GRIK4: variants seen among roughly 807,000 people sequenced by gnomAD.
GRIK4 encodes the protein glutamate ionotropic receptor kainate type subunit 4.
A neutral mutation model predicts 104.9 loss-of-function variants in GRIK4; 40 were observed. That is an observed-to-expected ratio of 0.38 (90% CI 0.30 to 0.50). The LOEUF is 0.50. Ranked by LOEUF, GRIK4 falls within the 20% of genes least tolerant of loss-of-function variation. The probability of loss-of-function intolerance (pLI) is 0.93; values close to 1 mark genes in which losing one functional copy is unlikely to be tolerated. For synonymous variants in GRIK4, 485 were observed against 524.9 expected, an observed-to-expected ratio of 0.92 and a Z score of 1.04; for missense variants, 1,047 against 1,308.1, an observed-to-expected ratio of 0.80 and a Z score of 3.08.
chr11:120,786,145 C>T (rs1287195145), intron 3 of GRIK4, among the ~76,000 whole-genome samples: 2 of 152,292 alleles, frequency 1.3e-5, no homozygotes, highest in African/African-American at 2.4e-5. Flanking sequence ...TCAGTGTCCA[C>T]GGGGCCATCC....
At chr11:120,852,061 G>A (rs748441371) in intron 8 of GRIK4, among the ~76,000 whole-genome samples, 4 of 152,222 alleles carry the variant, frequency 2.6e-5, no homozygotes, top group Admixed American at 6.5e-5. Flanking sequence ...GCAGAAAAGC[G>A]GTAGCTCACT....
intron 1 of GRIK4, 26 bp downstream of exon 1, chr11:120,511,913 C>G (rs1247801104): frequency 6.3e-6 from 1 of 158,194 alleles, no homozygotes; most frequent in East Asian, 1.9e-4. Flanking sequence ...CCCCGCGGCG[C>G]CCCCGGCCCG....
intron 3 of GRIK4, among the ~76,000 whole-genome samples, chr11:120,778,120 C>T (rs1027523594): frequency 1.3e-5 from 2 of 152,122 alleles, no homozygotes; most frequent in African/African-American, 2.4e-5. Flanking sequence ...CAATGCCTAT[C>T]ATGTTATAAT....
chr11:120,736,787 C>A (rs547974796), intron 3 of GRIK4, among the ~76,000 whole-genome samples: 5 of 152,022 alleles, frequency 3.3e-5, no homozygotes, highest in South Asian at 4.2e-4. Flanking sequence ...TCTCTCCCCT[C>A]ACCCTGCCCA....
chr11:120,841,318 G>T (rs894982471), intron 8 of GRIK4, among the ~76,000 whole-genome samples: 17 of 152,160 alleles, frequency 1.1e-4, no homozygotes, highest in African/African-American at 4.1e-4. Flanking sequence ...ATTTCTCTCT[G>T]TATGGATATG....
chr11:120,777,246 C>T (rs909015763), intron 3 of GRIK4, among the ~76,000 whole-genome samples: 14 of 152,216 alleles, frequency 9.2e-5, no homozygotes, highest in African/African-American at 3.1e-4. Context: ...CTCTTTTCTC[C>T]AGTCACCCCC....
At chr11:120,752,205 G>A (rs955394793) in intron 3 of GRIK4, among the ~76,000 whole-genome samples, 2 of 152,178 alleles carry the variant, frequency 1.3e-5, no homozygotes, top group Admixed American at 1.3e-4. Context: ...TGTCAGCCAG[G>A]GAGCAGGAGG....
At chr11:120,693,501 C>T (rs898850405) in intron 3 of GRIK4, among the ~76,000 whole-genome samples, 1 of 152,140 alleles carries the variant, frequency 6.6e-6, no homozygotes, top group African/African-American at 2.4e-5. Flanking sequence ...GTCTGTCCAT[C>T]CATCCATCCA....
intron 7 of GRIK4, among the ~76,000 whole-genome samples, chr11:120,832,850 A>C (rs1363292271): frequency 6.6e-6 from 1 of 152,218 alleles, no homozygotes; most frequent in Non-Finnish European, 1.5e-5. Flanking sequence ...ACCTGACGTC[A>C]GTTCCTGGGC....
Position 120,898,539 on chromosome 11 carries a change from A to T in GRIK4, c.1172A>T (p.Gln391Leu). ...FTRNGFRQIG[Q>L]WHVAEGLSMD... ...CTCCGTTGGTCTCCTCAGATCGGCCAGTGGCACGTGGCAGAGGGCCTCAGC... is the reference window on the plus strand; with the variant it reads ...CTCCGTTGGTCTCCTCAGATCGGCCTGTGGCACGTGGCAGAGGGCCTCAGC... Residue 391 changes from glutamine (Q) to leucine (L), a missense_variant, in exon 12 of 21, where the codon CAG becomes CTG. By Grantham distance (113) the Gln-to-Leu change is moderately radical. Transcript: ENST00000527524. 1 of 1,598,338 alleles carries T rather than the reference A, an allele frequency of 6.3e-7. No homozygotes were observed. The highest frequency in any genetic ancestry group is 8.6e-7 in the Non-Finnish European group (1 of 1,165,614).
At chr11:120,892,116 C>T (rs1955319340) in intron 11 of GRIK4, among the ~76,000 whole-genome samples, 1 of 152,046 alleles carries the variant, frequency 6.6e-6, no homozygotes, top group Non-Finnish European at 1.5e-5. Context: ...GTTCATGTGG[C>T]AAGGAGAGTT....
chr11:120,753,755 T>C (rs909179264), intron 3 of GRIK4, among the ~76,000 whole-genome samples: 10 of 152,190 alleles, frequency 6.6e-5, no homozygotes, highest in African/African-American at 2.4e-4. Flanking sequence ...CACCAGAATC[T>C]GTTTTTCCTT....
chr11:120,683,998 C>A (rs1040800320), intron 3 of GRIK4, among the ~76,000 whole-genome samples: 1 of 152,152 alleles, frequency 6.6e-6, no homozygotes, highest in Non-Finnish European at 1.5e-5. Context: ...CACTTTCTGG[C>A]AAGACTTTTT....
intron 1 of GRIK4, among the ~76,000 whole-genome samples, chr11:120,519,598 C>T (rs1227376846): frequency 6.6e-6 from 1 of 152,186 alleles, no homozygotes; most frequent in Non-Finnish European, 1.5e-5. Flanking sequence ...TACAGCAGCC[C>T]AAATGCACTA....
At chr11:120,719,378 C>T (rs1950891529) in intron 3 of GRIK4, among the ~76,000 whole-genome samples, 1 of 152,138 alleles carries the variant, frequency 6.6e-6, no homozygotes, top group South Asian at 2.1e-4. Context: ...CAGAGATAAC[C>T]TGGTAGAATA....
At chr11:120,652,576 G>C (rs930122946) in intron 1 of GRIK4, among the ~76,000 whole-genome samples, 1 of 151,438 alleles carries the variant, frequency 6.6e-6, no homozygotes, top group Admixed American at 6.6e-5. Flanking sequence ...GCCAGTGGGG[G>C]AGTCAGGACA....
At chr11:120,520,084 G>C (rs1041629720) in intron 1 of GRIK4, among the ~76,000 whole-genome samples, 2 of 151,902 alleles carry the variant, frequency 1.3e-5, no homozygotes, top group Admixed American at 6.6e-5. Flanking sequence ...GTAGAGACAG[G>C]GTTTCACCAT....
At chr11:120,744,180 A>G (rs866643401) in intron 3 of GRIK4, among the ~76,000 whole-genome samples, 12 of 152,266 alleles carry the variant, frequency 7.9e-5, no homozygotes, top group Non-Finnish European at 1.2e-4. Flanking sequence ...CCCAGGGGGA[A>G]TGGGGCTGGC....
chr11:120,633,294 GAC>G (rs1949353778), intron 1 of GRIK4, among the ~76,000 whole-genome samples: 1 of 152,160 alleles, frequency 6.6e-6, no homozygotes, highest in South Asian at 2.1e-4. Context: ...GTAAATCAGA[GAC>G]ACAGTGAGTG....
Sources: gnomAD v4.1 joint callset for allele counts (sites outside exome capture counted in the v4.1 genomes callset) on GRCh38, gnomAD v4.1.1 for gene constraint, MANE v1.5 for transcripts, NCBI Gene and HGNC (gene_info 2026-07-23, HGNC 2026-07-21) for gene names.